Variants in PCDHA4 observed in about 807,000 individuals in gnomAD.
The protein encoded by PCDHA4 is protocadherin alpha 4, also known as protocadherin alpha-4.
A neutral mutation model predicts 61.4 loss-of-function variants in PCDHA4; 49 were observed. The ratio of observed to expected loss-of-function variants is 0.80; its 90% CI spans 0.63 to 1.01. The LOEUF is 1.01. Among genes scored for constraint, PCDHA4 ranks in the 50% least tolerant of loss-of-function variants. The pLI, the probability that PCDHA4 is intolerant of heterozygous loss-of-function variation, is 0.00. For synonymous variants in PCDHA4, 590 were observed against 550.3 expected (o/e 1.07, Z -1.01); for missense variants, 1,254 against 1,235.8 (o/e 1.01, Z -0.22).
intron 1 of PCDHA4, chr5:140,850,906 T>A: frequency 6.4e-7 from 1 of 1,550,722 alleles, no homozygotes; most frequent in Non-Finnish European, 8.7e-7. Context: ...TTTTCTAGCA[T>A]TTTATTTATT....
intron 1 of PCDHA4, among the ~76,000 whole-genome samples, chr5:140,972,133 C>T (rs532498360): frequency 2.0e-5 from 3 of 152,072 alleles, no homozygotes; most frequent in East Asian, 3.9e-4. Flanking sequence ...CAGTGAGTTA[C>T]TACTATTTTT....
At chr5:141,008,512 C>A (rs1006553111) in intron 3 of PCDHA4, among the ~76,000 whole-genome samples, 2 of 152,094 alleles carry the variant, frequency 1.3e-5, no homozygotes, top group Non-Finnish European at 2.9e-5. Context: ...GGTGTGTCTT[C>A]CAATCAGACT....
intron 2 of PCDHA4, among the ~76,000 whole-genome samples, chr5:140,980,990 G>T (rs1344931215): frequency 6.6e-6 from 1 of 152,116 alleles, no homozygotes. Flanking sequence ...CACACAATTT[G>T]CTAGTAGGAT....
chr5:140,965,424 G>A (rs2095899424), intron 1 of PCDHA4, among the ~76,000 whole-genome samples: 1 of 152,086 alleles, frequency 6.6e-6, no homozygotes, highest in African/African-American at 2.4e-5. Flanking sequence ...AGGAAGATAA[G>A]CTGCAGTCAT....
chr5:140,829,699 C>A lies in PCDHA4; in HGVS notation c.2385+20127C>A, dbSNP rs2150172721. On this transcript the variant is annotated intron_variant, in intron 1 of 3. Coordinates refer to ENST00000530339, the MANE Select transcript of PCDHA4 (RefSeq NM_018907.4). ...TAGAGCTGCTGCAGTTTCAGGTGAG[C>A]GCGCGCGACGCGGGCGTGCCGCCTC... The A allele has an allele frequency of 2.2e-3, 3,484 of 1,613,252 alleles. 64 individuals carry two copies. The African/African-American group carries it at 0.041, about 19-fold the overall frequency.
chr5:140,978,506 C>T (rs914101151), intron 1 of PCDHA4, among the ~76,000 whole-genome samples: 22 of 152,244 alleles, frequency 1.4e-4, no homozygotes, highest in African/African-American at 4.1e-4. Context: ...GATTGCAGTC[C>T]TCTGCAGTCC....
At chr5:140,830,117 C>A (rs2150181375) in intron 1 of PCDHA4, 1 of 1,613,510 alleles carries the variant, frequency 6.2e-7, no homozygotes, top group Non-Finnish European at 8.5e-7. Context: ...TGGCCAGGCT[C>A]CAAAGGCGTC....
chr5:140,923,275 CA>C (rs1328074482), intron 1 of PCDHA4, among the ~76,000 whole-genome samples: 2 of 152,128 alleles, frequency 1.3e-5, no homozygotes, highest in Admixed American at 1.3e-4. Context: ...CTTGTCTCTA[CA>C]AAAAATTAAA....
At chr5:140,823,398 G>A in intron 1 of PCDHA4, 1 of 1,612,976 alleles carries the variant, frequency 6.2e-7, no homozygotes, top group East Asian at 2.2e-5. Context: ...ACGCGGGCGT[G>A]CCGCCTCTGG....
At chr5:140,926,371 G>A (rs1220733947) in intron 1 of PCDHA4, 1 of 152,352 alleles carries the variant, frequency 6.6e-6, no homozygotes, top group East Asian at 1.9e-4. Flanking sequence ...GCGGCAGGAA[G>A]AGCCCAGCTG....
intron 1 of PCDHA4, among the ~76,000 whole-genome samples, chr5:140,917,338 G>GGTGGGGGGGGGGGGGGGGGGC (rs2078134893): frequency 7.3e-6 from 1 of 137,894 alleles, no homozygotes; most frequent in Non-Finnish European, 1.6e-5. Flanking sequence ...GGAGGGGGGG[G>GGTGGGGGGGGGGGGGGGGGGC]ATGGTGTAGG....
intron 1 of PCDHA4, chr5:140,823,294 G>A (rs2150124401): frequency 2.5e-6 from 4 of 1,612,490 alleles, no homozygotes; most frequent in South Asian, 2.2e-5. Flanking sequence ...GTCGAGTTAC[G>A]TTTCGGTGCA....
At chr5:140,924,987 TC>T (rs1458982480) in intron 1 of PCDHA4, among the ~76,000 whole-genome samples, 4 of 151,232 alleles carry the variant, frequency 2.6e-5, no homozygotes, top group Admixed American at 6.6e-5. Context: ...ATGTCTGTAA[TC>T]CTAGCACTTT....
At chr5:140,994,817 T>C (rs1362838008) in intron 3 of PCDHA4, among the ~76,000 whole-genome samples, 3 of 152,068 alleles carry the variant, frequency 2.0e-5, no homozygotes, top group African/African-American at 7.2e-5. Context: ...TACAAAAAAC[T>C]GAATTGTGTA....
At chr5:140,824,412 G>A (rs1250148908) in intron 1 of PCDHA4, 1 of 519,034 alleles carries the variant, frequency 1.9e-6, no homozygotes. Context: ...GTAAGACATA[G>A]TTTGGAGTCA....
Position 140,829,464 on chromosome 5 carries a change from C to T in PCDHA4, c.2385+19892C>T. 1 of 1,613,860 alleles carries T rather than the reference C, an allele frequency of 6.2e-7. No homozygotes were observed. Among genetic ancestry groups the T allele is most frequent in the Non-Finnish European group, 8.5e-7 (1 of 1,180,028 alleles). ...GACAATGCTCCGGCGTTCGCGCAGC[C>T]CGAGTACACAGTGTTCGTGAAGGAG... is the stretch of plus-strand genomic sequence containing the variant. On this transcript the variant is annotated intron_variant, in intron 1 of 3. Coordinates refer to ENST00000530339, the MANE Select transcript of PCDHA4 (RefSeq NM_018907.4).
chr5:140,904,685 G>A (rs2071317723), intron 1 of PCDHA4, among the ~76,000 whole-genome samples: 1 of 152,104 alleles, frequency 6.6e-6, no homozygotes, highest in African/African-American at 2.4e-5. Context: ...CCCACCAGCA[G>A]TGTAAAATTG....
rs57893927 is a variant in PCDHA4 at position 140,946,631 on chromosome 5, T to TATATATATATATATATATATATATATAC, written c.2386-32317_2386-32316insTATATATATATATATATATATATATACA. On this transcript the variant is annotated intron_variant, in intron 1 of 3. Transcript: ENST00000530339. ...TGTGAAATATATATATATATATATA[T>TATATATATATATATATATATATATATAC]ACAATGGAATACTCATCAGCCATTA... Among the ~76,000 whole-genome samples the TATATATATATATATATATATATATATAC allele has an allele frequency of 2.1e-3, 277 of 131,730 alleles. 14 individuals carry two copies. Among genetic ancestry groups the TATATATATATATATATATATATATATAC allele is most frequent in the African/African-American group, 7.7e-3 (221 of 28,616 alleles). The allele number at this position is 131,730 out of a possible 152,430, so 86.4% of individuals were successfully genotyped here.
In PCDHA4 at chr5:140,870,563, C is replaced by G. The variant is rs1333019449; in HGVS notation, c.2385+60991C>G. The G allele has an allele frequency of 6.2e-6, 10 of 1,613,994 alleles. No individual in the cohort carries two copies. Among genetic ancestry groups the G allele is most frequent in the Non-Finnish European group, 8.5e-6 (10 of 1,179,984 alleles). ...CGGGACGCGGACGCGCAGGAGAACG[C>G]GCTGGTGTCCTACTCGCTGGTGGAG... On this transcript the variant is annotated intron_variant, in intron 1 of 3. Transcript: ENST00000530339.
Sources: allele counts gnomAD v4.1 joint callset (sites outside exome capture counted in the v4.1 genomes callset), GRCh38; gene constraint gnomAD v4.1.1; transcripts MANE v1.5; gene names NCBI Gene and HGNC (gene_info 2026-07-23, HGNC 2026-07-21).